Variants in ZNF782 observed in about 807,000 individuals in gnomAD.
ZNF782 encodes zinc finger protein 782.
ZNF782 carries 12 observed loss-of-function variants against 13.0 expected under a neutral mutation model. The ratio of observed to expected loss-of-function variants is 0.92; its 90% CI spans 0.59 to 1.50. ZNF782 has a LOEUF of 1.50. Among genes scored for constraint, ZNF782 ranks in the 40% most tolerant of loss-of-function variants. The pLI, the probability that ZNF782 is intolerant of heterozygous loss-of-function variation, is 0.00. For synonymous variants in ZNF782, 284 were observed against 283.0 expected, an observed-to-expected ratio of 1.00 and a Z score of -0.04; for missense variants, 770 against 822.9, an observed-to-expected ratio of 0.94 and a Z score of 0.79.
chr9:96,900,000 C>T, the ZNF782 span, among the ~76,000 whole-genome samples: 4 of 151,930 alleles, frequency 2.6e-5, no homozygotes, highest in African/African-American at 4.9e-5. Flanking sequence ...GGTTTTGCCA[C>T]GTTGCCCAGG....
At chr9:96,901,202 A>G in the ZNF782 span, among the ~76,000 whole-genome samples, 1 of 152,020 alleles carries the variant, frequency 6.6e-6, no homozygotes, top group Non-Finnish European at 1.5e-5. Context: ...CAGTTTTGAC[A>G]GTAAATAATT....
upstream of ZNF782, among the ~76,000 whole-genome samples, chr9:96,879,196 T>C (rs973362610): frequency 2.0e-5 from 3 of 152,180 alleles, no homozygotes; most frequent in African/African-American, 7.2e-5. Flanking sequence ...TAAGAAACAA[T>C]GGGATACTTA....
At chr9:96,861,893 G>C (rs2118861990) in intron 1 of ZNF782, among the ~76,000 whole-genome samples, 1 of 152,308 alleles carries the variant, frequency 6.6e-6, no homozygotes, top group South Asian at 2.1e-4. Context: ...ATATGATCCA[G>C]CAATCCCACT....
chr9:96,848,822 A>C (rs1851413196), intron 3 of ZNF782, among the ~76,000 whole-genome samples: 1 of 152,218 alleles, frequency 6.6e-6, no homozygotes, highest in Non-Finnish European at 1.5e-5. Context: ...TAGAAAAAAC[A>C]ATCCTAAAAT....
the ZNF782 span, among the ~76,000 whole-genome samples, chr9:96,911,552 G>A: frequency 2.4e-5 from 3 of 122,826 alleles, no homozygotes; most frequent in African/African-American, 6.3e-5. Flanking sequence ...AGTTAGTCTC[G>A]CTCTTTCTCC....
intron 1 of ZNF782, among the ~76,000 whole-genome samples, chr9:96,868,712 A>G (rs998006622): frequency 2.0e-5 from 3 of 152,232 alleles, no homozygotes; most frequent in African/African-American, 4.8e-5. Context: ...GAACTGGGAA[A>G]GTTGAATGCT....
At chr9:96,854,625 T>G (rs976741147), upstream of ZNF782, 3 of 152,260 alleles carry the variant, frequency 2.0e-5, no homozygotes, top group Non-Finnish European at 2.9e-5. Context: ...GCCTTCGACG[T>G]GACTCCTCAC....
chr9:96,843,991 T>A (rs1036501884), intron 4 of ZNF782, among the ~76,000 whole-genome samples: 17 of 152,126 alleles, frequency 1.1e-4, no homozygotes, highest in African/African-American at 3.6e-4. Context: ...AGAAGATTTA[T>A]GAATCGCTAA....
intron 3 of ZNF782, among the ~76,000 whole-genome samples, chr9:96,849,239 G>A (rs1286141373): frequency 6.6e-6 from 1 of 152,210 alleles, no homozygotes; most frequent in Non-Finnish European, 1.5e-5. Flanking sequence ...CTCATAAGAA[G>A]CACCCAATCT....
upstream of ZNF782, among the ~76,000 whole-genome samples, chr9:96,877,797 G>A (rs1290535687): frequency 6.6e-6 from 1 of 152,166 alleles, no homozygotes; most frequent in Non-Finnish European, 1.5e-5. Flanking sequence ...AAGCTTACTC[G>A]GTATCATGTG....
At chr9:96,896,456 AT>A in the ZNF782 span, among the ~76,000 whole-genome samples, 3 of 152,216 alleles carry the variant, frequency 2.0e-5, no homozygotes, top group Non-Finnish European at 4.4e-5. Context: ...AGACATTTGC[AT>A]GTCAGAGGGT....
chr9:96,865,003 G>C (rs1377926710), intron 1 of ZNF782, among the ~76,000 whole-genome samples: 1 of 151,938 alleles, frequency 6.6e-6, no homozygotes, highest in African/African-American at 2.4e-5. Context: ...CTAGGATCAT[G>C]CCACTGCACT....
At chr9:96,929,483 G>T in the ZNF782 span, among the ~76,000 whole-genome samples, 3 of 151,610 alleles carry the variant, frequency 2.0e-5, no homozygotes, top group Non-Finnish European at 4.4e-5. Context: ...GAGAGGAGTG[G>T]GGAGAAGTGG....
chr9:96,852,377 A>C (rs10739258), intron 2 of ZNF782, among the ~76,000 whole-genome samples: 151,615 of 152,360 alleles, frequency 1, 75,439 homozygotes, highest in Middle Eastern at 1. Context: ...CTGTGGTTCA[A>C]GCCTGTAACC....
chr9:96,906,591 G>A, the ZNF782 span, among the ~76,000 whole-genome samples: 3 of 151,862 alleles, frequency 2.0e-5, no homozygotes, highest in South Asian at 2.1e-4. Flanking sequence ...TATTACAAAG[G>A]GTATTGATGA....
chr9:96,854,702 A>G (rs1851615547), upstream of ZNF782, among the ~76,000 whole-genome samples: 1 of 152,232 alleles, frequency 6.6e-6, no homozygotes, highest in South Asian at 2.1e-4. Context: ...CTCTCCAAGA[A>G]CAGGGAGAAG....
chr9:96,830,592 C>A (rs1394780429), intron 4 of ZNF782, among the ~76,000 whole-genome samples: 3 of 152,164 alleles, frequency 2.0e-5, no homozygotes, highest in Non-Finnish European at 4.4e-5. Flanking sequence ...ACCCCCCAAC[C>A]TCCCCTGCCA....
chr9:96,820,153 G>A lies in ZNF782; in HGVS notation c.245-375C>T, dbSNP rs76798602. Among the ~76,000 whole-genome samples, 1,401 of 152,246 alleles carry A rather than the reference G, an allele frequency of 9.2e-3. 51 individuals are homozygous for A. In the East Asian group the frequency reaches 0.1, roughly 11 times the overall value. ...AATAAAAAAAGATTACCAACATGAA[G>A]TAGATAACAACAACAAAAATCAATG... On this transcript the variant is annotated intron_variant, in intron 5 of 5. Coordinates refer to ENST00000481138, the MANE Select transcript of ZNF782 (RefSeq NM_001001662.3).
the ZNF782 span, among the ~76,000 whole-genome samples, chr9:96,899,789 T>C: frequency 6.6e-6 from 1 of 151,976 alleles, no homozygotes; most frequent in African/African-American, 2.4e-5. Context: ...CCAAATATAA[T>C]GGGATTTTCT....
Sources: gnomAD v4.1 joint callset for allele counts (sites outside exome capture counted in the v4.1 genomes callset) on GRCh38, gnomAD v4.1.1 for gene constraint, MANE v1.5 for transcripts, NCBI Gene and HGNC (gene_info 2026-07-23, HGNC 2026-07-21) for gene names.